The following ZBTB22 variants were observed in gnomAD, a reference collection of about 807,000 sequenced individuals.
ZBTB22 encodes the protein zinc finger and BTB domain containing 22.
For synonymous variants in ZBTB22, 356 were observed against 347.3 expected, an observed-to-expected ratio of 1.03 and a Z score of -0.28; for missense variants, 668 against 834.1, an observed-to-expected ratio of 0.80 and a Z score of 2.45.
In ZBTB22 at chr6:33,317,053, A is replaced by G; in HGVS notation, c.-69-68T>C. 3.7e-6 allele frequency: 4 copies of G among 1,091,804 alleles called. No individual in the cohort carries two copies. In the East Asian group the frequency reaches 1.0e-4, roughly 29 times the overall value. 67.6% of individuals were successfully genotyped at this position (1,091,804 alleles called of 1,614,324 possible). ...CGACACAGCCCGTTACAACTCAAAA[A>G]TATGTTCACGCTCATTATCTGTGTA... is the stretch of plus-strand genomic sequence containing the variant. On this transcript the variant is annotated intron_variant, in intron 1 of 1. Coordinates refer to ENST00000431845, the MANE Select transcript of ZBTB22 (RefSeq NM_005453.5).
At position 33,316,906 on chromosome 6, in the gene ZBTB22, G is replaced by A. The variant is rs1769918310; in HGVS notation, c.11C>T (p.Ser4Phe). 6.2e-7 allele frequency: 1 copy of A among 1,600,696 alleles called. No homozygotes were observed. Among genetic ancestry groups the A allele is most frequent in the South Asian group, 1.1e-5 (1 of 89,396 alleles). MEPSPLSPSGAALP... is the reference protein window; with the variant it reads MEPFPLSPSGAALP... ...TGCTGCCCCACTGGGAGACAGAGGA[G>A]ATGGCTCCATGTTGTGGAGGGAGGG... Residue 4 changes from serine (S) to phenylalanine (F), a missense_variant, in exon 2 of 2, where the codon TCT becomes TTT. Transcript: ENST00000431845. This position sits in a 1 kb window ranked among gnomAD's most constrained non-coding sequence, Gnocchi z 7.2.
At position 33,315,108 on chromosome 6, in the gene ZBTB22, C is replaced by T; in HGVS notation, c.1809G>A (p.Ala603=). 3 of 1,611,910 alleles carry T rather than the reference C, an allele frequency of 1.9e-6. No individual in the cohort carries two copies. Among genetic ancestry groups the T allele is most frequent in the South Asian group, 2.2e-5 (2 of 90,978 alleles). ...PGVGGGSGDE[A]SAATPPSSRR... ...TGCTGGACGGGGGCGTGGCCGCACT[C>T]GCTTCGTCGCCGCTGCCCCCGCCCA... Residue 603 remains alanine (A), a synonymous_variant, in exon 2 of 2, where the codon GCG becomes GCA. Transcript: ENST00000431845. The surrounding 1 kb of genome is among the most constrained non-coding windows in gnomAD (Gnocchi z 5.4).
Position 33,316,052 on chromosome 6 carries a change from G to T in ZBTB22, c.865C>A (p.Pro289Thr), listed in dbSNP as rs751935540. The change falls in exon 2 of 2, where the codon CCT (proline) becomes ACT (threonine). Residue 289 changes from proline to threonine, a missense_variant. By Grantham distance (38) the Pro-to-Thr change is conservative (BLOSUM62 -1). Coordinates refer to ENST00000431845, the MANE Select transcript of ZBTB22 (RefSeq NM_005453.5). This position sits in a 1 kb window ranked among gnomAD's most constrained non-coding sequence, Gnocchi z 7.2. ...CAGTGTTTCTGTGGCATGATGCTAG[G>T]GGGTGTGTAGGTGGGTCTCCGGAGC... ...AGLRRPTYTP[P>T]SIMPQKHWVY... 6.2e-7 allele frequency: 1 copy of T among 1,613,828 alleles called. No homozygotes were observed. The highest frequency in any genetic ancestry group is 1.1e-5 in the South Asian group (1 of 91,072).
Position 33,316,237 on chromosome 6 carries a change from G to C in ZBTB22, c.680C>G (p.Ala227Gly). The C allele has an allele frequency of 1.2e-6, 2 of 1,614,194 alleles. No individual in the cohort carries two copies. Among genetic ancestry groups the C allele is most frequent in the Non-Finnish European group, 1.7e-6 (2 of 1,180,038 alleles). Residue 227 changes from alanine to glycine, a missense_variant, in exon 2 of 2, where the codon GCT becomes GGT. By Grantham distance (60) the Ala-to-Gly change is moderately conservative. Coordinates refer to ENST00000431845, the MANE Select transcript of ZBTB22 (RefSeq NM_005453.5). The surrounding 1 kb of genome is among the most constrained non-coding windows in gnomAD (Gnocchi z 7.2). ...FSSSSQEAFA[A>G]SAVGSGERRG... ...ACGCTCCCCACTGCCCACTGCAGAA[G>C]CTGCAAATGCCTCTTGGGAGGAAGA...
Position 33,315,117 on chromosome 6 carries a change from G to A in ZBTB22, c.1800C>T (p.Gly600=), listed in dbSNP as rs1033972257. Residue 600 remains glycine, a synonymous_variant, in exon 2 of 2, where the codon GGC becomes GGT. Transcript: ENST00000431845. The surrounding 1 kb of genome is among the most constrained non-coding windows in gnomAD (Gnocchi z 5.4). ...GGGGCGTGGCCGCACTCGCTTCGTC[G>A]CCGCTGCCCCCGCCCACTCCGGGAG... ...RESPGVGGGS[G]DEASAATPPS... The A allele has an allele frequency of 3.7e-6, 6 of 1,611,798 alleles. No individual in the cohort carries two copies. In the African/African-American group the frequency reaches 6.7e-5, roughly 18 times the overall value.
chr6:33,315,591 G>A lies in ZBTB22; in HGVS notation c.1326C>T (p.Gly442=). ...GTTCTGCTTGGTTCCCTGGTGGTTGGCCAGGAGCCTGTGAGGATGAGGATG... is the reference window on the plus strand; with the variant it reads ...GTTCTGCTTGGTTCCCTGGTGGTTGACCAGGAGCCTGTGAGGATGAGGATG... The part of the protein sequence containing the change: ...SSSSSSSQAP[G]QPPGNQAEHG... The change falls in exon 2 of 2, where the codon GGC becomes GGT. Residue 442 remains glycine (G), a synonymous_variant. Transcript: ENST00000431845. This position sits in a 1 kb window ranked among gnomAD's most constrained non-coding sequence, Gnocchi z 5.4. The A allele has an allele frequency of 3.1e-6, 5 of 1,613,956 alleles. No individual in the cohort carries two copies. Among genetic ancestry groups the A allele is most frequent in the Non-Finnish European group, 4.2e-6 (5 of 1,179,984 alleles).
At chr6:33,317,282 A>C (rs1769950418) in intron 1 of ZBTB22, among the ~76,000 whole-genome samples, 1 of 152,028 alleles carries the variant, frequency 6.6e-6, no homozygotes, top group Non-Finnish European at 1.5e-5. Context: ...CTTCCTTCGG[A>C]ATTATACCCT....
Position 33,316,796 on chromosome 6 carries a change from T to C in ZBTB22, c.121A>G (p.Ser41Gly). The C allele has an allele frequency of 1.2e-6, 2 of 1,614,130 alleles. No individual in the cohort carries two copies. The highest frequency in any genetic ancestry group is 1.7e-6 in the Non-Finnish European group (2 of 1,180,022). Residue 41 changes from serine to glycine, a missense_variant, in exon 2 of 2, where the codon AGT becomes GGT. Coordinates refer to ENST00000431845, the MANE Select transcript of ZBTB22 (RefSeq NM_005453.5). This position sits in a 1 kb window ranked among gnomAD's most constrained non-coding sequence, Gnocchi z 7.2. ...TGATTGAGGGACTCCAAGAGGGCAC[T>C]GGTCACCTCAGGGAAGGACACATGT... ...VVHVSFPEVTSALLESLNQQR... is the reference protein window; with the variant it reads ...VVHVSFPEVTGALLESLNQQR...
chr6:33,314,919 TGTG>T lies in ZBTB22; in HGVS notation c.*90_*92del. 6.7e-7 allele frequency: 1 copy of T among 1,499,110 alleles called. No individual in the cohort carries two copies. Among genetic ancestry groups the T allele is most frequent in the Admixed American group, 2.4e-5 (1 of 41,972 alleles). 92.9% of individuals were successfully genotyped at this position (1,499,110 alleles called of 1,614,324 possible). On this transcript the variant is annotated 3_prime_UTR_variant, in exon 2 of 2. Coordinates refer to ENST00000431845, the MANE Select transcript of ZBTB22 (RefSeq NM_005453.5). ...CACAGAGATAAAGGAAGACAGTAAG[TGTG>T]GTGGGAGATCACCCGGGGGCCACAG...
chr6:33,314,817 T>TG lies in ZBTB22; in HGVS notation c.*194dup, dbSNP rs920664271. ...GAAGGGTTTAGTTCTGGAAATACCT[T>TG]GGGGGGGAGGGGTTGAGTAGTAGAA... On this transcript the variant is annotated 3_prime_UTR_variant, in exon 2 of 2. Coordinates refer to ENST00000431845, the MANE Select transcript of ZBTB22 (RefSeq NM_005453.5). The TG allele has an allele frequency of 2.2e-4, 241 of 1,111,416 alleles. No individual in the cohort carries two copies. Among genetic ancestry groups the TG allele is most frequent in the Non-Finnish European group, 2.6e-4 (217 of 820,856 alleles). The allele number at this position is 1,111,416 out of a possible 1,614,324, so 68.8% of individuals were successfully genotyped here. A position where few individuals can be genotyped will look rare whatever the true frequency, so the allele number is the denominator to read the frequency against.
intron 1 of ZBTB22, among the ~76,000 whole-genome samples, chr6:33,317,217 T>C (rs1769944268): frequency 6.6e-6 from 1 of 152,176 alleles, no homozygotes; most frequent in African/African-American, 2.4e-5. Flanking sequence ...CTGACAAATC[T>C]TGTGCCCTTT....
chr6:33,316,388 T>G lies in ZBTB22; in HGVS notation c.529A>C (p.Ser177Arg). ...TVPGAGVPSG[S>R]GGTVAPATMG... is the part of the protein sequence containing the mutation. ...GTAGCAGGGGCCACAGTGCCCCCAC[T>G]CCCGGATGGCACCCCAGCACCAGGG... is the stretch of plus-strand genomic sequence containing the variant. The change falls in exon 2 of 2, where the codon AGT becomes CGT. Residue 177 changes from serine (S) to arginine (R), a missense_variant. Transcript: ENST00000431845. This position sits in a 1 kb window ranked among gnomAD's most constrained non-coding sequence, Gnocchi z 7.2. The G allele has an allele frequency of 1.9e-6, 3 of 1,613,920 alleles. No homozygotes were observed. The highest frequency in any genetic ancestry group is 2.5e-6 in the Non-Finnish European group (3 of 1,179,994).
chr6:33,317,201 A>C (rs1255330159), intron 1 of ZBTB22, among the ~76,000 whole-genome samples: 1 of 152,236 alleles, frequency 6.6e-6, no homozygotes, highest in Non-Finnish European at 1.5e-5. Context: ...CAGCAAACAC[A>C]GGTATCTGAC....
Position 33,316,405 on chromosome 6 carries a change from G to A in ZBTB22, c.512C>T (p.Ala171Val). Residue 171 changes from alanine (A) to valine (V), a missense_variant, in exon 2 of 2, where the codon GCT becomes GTT. Physicochemically the swap from Ala to Val is moderately conservative, Grantham distance 64. Coordinates refer to ENST00000431845, the MANE Select transcript of ZBTB22 (RefSeq NM_005453.5). This position sits in a 1 kb window ranked among gnomAD's most constrained non-coding sequence, Gnocchi z 7.2. ...GCCCCCACTCCCGGATGGCACCCCAGCACCAGGGACAGTGACAGAGGTGGC... is the reference window on the plus strand; with the variant it reads ...GCCCCCACTCCCGGATGGCACCCCAACACCAGGGACAGTGACAGAGGTGGC... The part of the protein sequence containing the change: ...AAATSVTVPG[A>V]GVPSGSGGTV... The A allele has an allele frequency of 6.2e-7, 1 of 1,614,128 alleles. No homozygotes were observed. Among genetic ancestry groups the A allele is most frequent in the South Asian group, 1.1e-5 (1 of 91,088 alleles).
Position 33,314,680 on chromosome 6 carries a change from ACCTGACC to A in ZBTB22, c.*325_*331del. ...CAGACTTCAGGCACAGACTACAACCACCTGACCCCTGACCCTGTGACTGCAGGATGTT... is the reference window on the plus strand; with the variant it reads ...CAGACTTCAGGCACAGACTACAACCACCTGACCCTGTGACTGCAGGATGTT... On this transcript the variant is annotated 3_prime_UTR_variant, in exon 2 of 2. Coordinates refer to ENST00000431845, the MANE Select transcript of ZBTB22 (RefSeq NM_005453.5). The A allele has an allele frequency of 2.9e-6, 1 of 341,670 alleles. No homozygotes were observed. The highest frequency in any genetic ancestry group is 5.3e-6 in the Non-Finnish European group (1 of 187,566). 21.2% of individuals were successfully genotyped at this position (341,670 alleles called of 1,614,324 possible). A position where few individuals can be genotyped will look rare whatever the true frequency, so the allele number is the denominator to read the frequency against.
In ZBTB22 at chr6:33,316,599, C is replaced by T. The variant is rs1581769571; in HGVS notation, c.318G>A (p.Glu106=). ...CAGTGTAAGCGGAGGCTAGGACAGT[C>T]TCAAAGGCGCCTGGGTCCATGACAC... ...LPSVMDPGAF[E]TVLASAYTGR... The change falls in exon 2 of 2, where the codon GAG becomes GAA. Residue 106 remains glutamate (E), a synonymous_variant. Transcript: ENST00000431845. This position sits in a 1 kb window ranked among gnomAD's most constrained non-coding sequence, Gnocchi z 7.2. The T allele has an allele frequency of 1.2e-6, 2 of 1,614,228 alleles. No homozygotes were observed. Among genetic ancestry groups the T allele is most frequent in the African/African-American group, 1.3e-5 (1 of 75,064 alleles).
In ZBTB22 at chr6:33,316,564, C is replaced by G; in HGVS notation, c.353G>C (p.Ser118Thr). ...VLASAYTGRL[S>T]MAAADIVNFL... ...GTTGACAATGTCAGCAGCAGCCATG[C>G]TGAGGCGGCCAGTGTAAGCGGAGGC... The change falls in exon 2 of 2, where the codon AGC becomes ACC. Residue 118 changes from serine (S) to threonine (T), a missense_variant. Coordinates refer to ENST00000431845, the MANE Select transcript of ZBTB22 (RefSeq NM_005453.5). The surrounding 1 kb of genome is among the most constrained non-coding windows in gnomAD (Gnocchi z 7.2). 1 of 1,614,232 alleles carries G rather than the reference C, an allele frequency of 6.2e-7. No homozygotes were observed. Among genetic ancestry groups the G allele is most frequent in the Non-Finnish European group, 8.5e-7 (1 of 1,180,046 alleles).
rs3173271 is a variant in ZBTB22 at position 33,315,834 on chromosome 6, G to C, written c.1083C>G (p.Val361=). The C allele has an allele frequency of 6.2e-7, 1 of 1,613,020 alleles. No individual in the cohort carries two copies. The highest frequency in any genetic ancestry group is 8.5e-7 in the Non-Finnish European group (1 of 1,179,518). ...TGTCTGGGGGCTCACTCAGGGTACG[G>C]ACATCACTTATGCTGAGGGTAGCCT... ...GPEATLSISD[V]RTLSEPPDKG... is the part of the protein sequence containing the mutation. Residue 361 remains valine (V), a synonymous_variant, in exon 2 of 2, where the codon GTC becomes GTG. Transcript: ENST00000431845. The surrounding 1 kb of genome is among the most constrained non-coding windows in gnomAD (Gnocchi z 5.4).
chr6:33,317,478 C>T (rs1363817736), intron 1 of ZBTB22, among the ~76,000 whole-genome samples, 175 bp downstream of exon 1: 1 of 82,598 alleles, frequency 1.2e-5, no homozygotes, highest in Admixed American at 1.3e-4. Flanking sequence ...TCTCTAGCCC[C>T]GCCCCTTTCC....
Sources: allele counts gnomAD v4.1 joint callset (sites outside exome capture counted in the v4.1 genomes callset), GRCh38; gene constraint gnomAD v4.1.1; non-coding constraint Gnocchi (gnomAD v3.1); transcripts MANE v1.5; gene names NCBI Gene and HGNC (gene_info 2026-07-23, HGNC 2026-07-21).